CYP46A1: variants seen among roughly 807,000 people sequenced by gnomAD.
CYP46A1 encodes the protein cytochrome P450 family 46 subfamily A member 1.
A neutral mutation model predicts 63.3 loss-of-function variants in CYP46A1; 20 were observed. That is an observed-to-expected ratio of 0.32 (90% CI 0.22 to 0.46). The LOEUF (loss-of-function observed/expected upper bound fraction) is 0.46, where lower values mean the gene tolerates loss of function less well. Ranked by LOEUF, CYP46A1 falls within the 20% of genes least tolerant of loss-of-function variation. The pLI is 1.00. For missense variants in CYP46A1, 445 were observed against 670.8 expected, an observed-to-expected ratio of 0.66 and a Z score of 3.72; for synonymous variants, 268 against 273.6, an observed-to-expected ratio of 0.98 and a Z score of 0.20.
In CYP46A1 at chr14:99,722,153, G is replaced by A. The variant is rs2056853588; in HGVS notation, c.1176+87G>A. The A allele has an allele frequency of 5.2e-6, 5 of 968,450 alleles. No homozygotes were observed. In the Admixed American group the frequency reaches 7.9e-5, roughly 15 times the overall value. 60.0% of individuals were successfully genotyped at this position (968,450 alleles called of 1,614,324 possible). ...TTGGGACTCACCAGGGGAGCCTGTG[G>A]CCCTGTTCCCATCATTGCAACGGGC... is the stretch of plus-strand genomic sequence containing the variant. On this transcript the variant is annotated intron_variant, in intron 12 of 14. Transcript: ENST00000261835. The surrounding 1 kb of genome is among the most constrained non-coding windows in gnomAD (Gnocchi z 4.6).
At chr14:99,716,028 G>A (rs2056786639) in intron 8 of CYP46A1, 68 bp downstream of exon 8, 5 of 1,605,384 alleles carry the variant, frequency 3.1e-6, no homozygotes, top group Admixed American at 1.7e-5. Context: ...GTGATACATC[G>A]CCACTGACTC....
intron 8 of CYP46A1, 59 bp from the exon 9 acceptor site, chr14:99,716,078 G>A: frequency 3.1e-6 from 5 of 1,612,006 alleles, no homozygotes; most frequent in Non-Finnish European, 4.2e-6. Context: ...GTTATTTTAT[G>A]AGCCATGGGG....
intron 5 of CYP46A1, among the ~76,000 whole-genome samples, chr14:99,701,799 G>A (rs2056632947): frequency 6.6e-6 from 1 of 152,168 alleles, no homozygotes; most frequent in Non-Finnish European, 1.5e-5. Context: ...GCCAGGCGTG[G>A]TGGTTCATGC....
chr14:99,699,856 C>T (rs1377029520), intron 4 of CYP46A1, among the ~76,000 whole-genome samples, 159 bp from the exon 5 acceptor site: 1 of 152,182 alleles, frequency 6.6e-6, no homozygotes, highest in African/African-American at 2.4e-5. Context: ...TTAGAGGGTA[C>T]AGTCTAGTGG....
chr14:99,715,200 T>C (rs1030512124), intron 7 of CYP46A1, among the ~76,000 whole-genome samples: 1 of 152,252 alleles, frequency 6.6e-6, no homozygotes, highest in Non-Finnish European at 1.5e-5. Flanking sequence ...CTAAATATGC[T>C]GATTTGACCA....
chr14:99,690,642 A>C (rs186148420), intron 1 of CYP46A1, among the ~76,000 whole-genome samples: 2 of 152,296 alleles, frequency 1.3e-5, no homozygotes, highest in East Asian at 3.9e-4. Context: ...CCAGCTGTGC[A>C]ATTGTGGGCA....
intron 7 of CYP46A1, 88 bp from the exon 8 acceptor site, chr14:99,715,722 C>T (rs1234175244): frequency 3.8e-6 from 6 of 1,566,378 alleles, no homozygotes; most frequent in Non-Finnish European, 4.4e-6. Flanking sequence ...CTTGCCAGTG[C>T]CGCTAACGTC....
chr14:99,726,412 C>T (rs2056898533), intron 14 of CYP46A1, 145 bp from the exon 15 acceptor site: 2 of 1,168,212 alleles, frequency 1.7e-6, no homozygotes, highest in African/African-American at 1.6e-5. Context: ...CTGTGTTTTG[C>T]ACGGAGGAGA....
At chr14:99,695,810 T>C (rs530520993) in intron 3 of CYP46A1, among the ~76,000 whole-genome samples, 1 of 152,070 alleles carries the variant, frequency 6.6e-6, no homozygotes, top group South Asian at 2.1e-4. Context: ...TTTGTATTTT[T>C]AGTAGAGATG....
intron 6 of CYP46A1, among the ~76,000 whole-genome samples, chr14:99,707,139 C>T (rs534642870): frequency 1.3e-5 from 2 of 152,306 alleles, no homozygotes; most frequent in African/African-American, 4.8e-5. Context: ...CCCCAGTAGA[C>T]TCAGCAGTGG....
At chr14:99,704,578 G>A (rs772456723) in intron 5 of CYP46A1, among the ~76,000 whole-genome samples, 1 of 152,172 alleles carries the variant, frequency 6.6e-6, no homozygotes. Flanking sequence ...GGATTTTATT[G>A]TTCACCTAAC....
chr14:99,700,936 G>A (rs908828863), intron 5 of CYP46A1, among the ~76,000 whole-genome samples: 13 of 152,308 alleles, frequency 8.5e-5, no homozygotes, highest in African/African-American at 3.1e-4. Context: ...GGAAGGCAGT[G>A]ATATTGATGA....
chr14:99,714,778 A>G (rs892189316), intron 7 of CYP46A1, among the ~76,000 whole-genome samples: 1 of 148,320 alleles, frequency 6.7e-6, no homozygotes, highest in African/African-American at 2.5e-5. Context: ...AAAAAAAAAG[A>G]AAAGAAAATT....
chr14:99,723,287 G>A (rs79265002), intron 12 of CYP46A1, among the ~76,000 whole-genome samples: 2,300 of 151,858 alleles, frequency 0.015, 57 homozygotes, highest in African/African-American at 0.052. Context: ...TATTTTTTAC[G>A]GCATACATTT....
chr14:99,707,469 C>A, intron 6 of CYP46A1, 99 bp from the exon 7 acceptor site: 1 of 886,902 alleles, frequency 1.1e-6, no homozygotes, highest in Non-Finnish European at 1.8e-6. Flanking sequence ...AAACCCTTAG[C>A]CCAGAGTCCA....
intron 3 of CYP46A1, among the ~76,000 whole-genome samples, chr14:99,692,966 A>G (rs904399859): frequency 6.6e-6 from 1 of 152,222 alleles, no homozygotes; most frequent in Non-Finnish European, 1.5e-5. Flanking sequence ...GGGCTCTGCC[A>G]CCAACTGGCT....
chr14:99,721,506 C>A (rs1259223349), intron 11 of CYP46A1, among the ~76,000 whole-genome samples, 183 bp downstream of exon 11: 1 of 152,176 alleles, frequency 6.6e-6, no homozygotes. Flanking sequence ...AGTCAAAGAG[C>A]TCCCCAGGTC....
intron 1 of CYP46A1, among the ~76,000 whole-genome samples, chr14:99,686,460 C>A (rs1216963089): frequency 6.6e-6 from 1 of 152,174 alleles, no homozygotes; most frequent in African/African-American, 2.4e-5. Context: ...ACTGTTTTGT[C>A]ACCCCAGAAA....
In CYP46A1 at chr14:99,687,195, C is replaced by G. The variant is rs867748297; in HGVS notation, c.119+2659C>G. Among the ~76,000 whole-genome samples, 3 of 152,224 alleles carry G rather than the reference C, an allele frequency of 2.0e-5. No homozygotes were observed. The East Asian group carries it at 5.8e-4, about 29-fold the overall frequency. On this transcript the variant is annotated intron_variant, in intron 1 of 14. Coordinates refer to ENST00000261835, the MANE Select transcript of CYP46A1 (RefSeq NM_006668.2). Reference sequence around the variant, plus strand: ...CGTGTAACAGCTGAAAACTCAGACCCCCACACTCAGATCCCACACAAACAC... The same window carrying G: ...CGTGTAACAGCTGAAAACTCAGACCGCCACACTCAGATCCCACACAAACAC...
Sources: gnomAD v4.1 joint callset for allele counts (sites outside exome capture counted in the v4.1 genomes callset) on GRCh38, gnomAD v4.1.1 for gene constraint, Gnocchi (gnomAD v3.1) non-coding constraint, MANE v1.5 for transcripts, NCBI Gene and HGNC (gene_info 2026-07-23, HGNC 2026-07-21) for gene names.